The following ASIC2 variants were observed in gnomAD, a reference collection of about 807,000 sequenced individuals.
ASIC2 encodes acid sensing ion channel subunit 2.
ASIC2 carries 25 observed loss-of-function variants against 57.3 expected under a neutral mutation model. The observed-to-expected ratio is 0.44, with a 90% CI of 0.32 to 0.61. The LOEUF is 0.61. Among genes scored for constraint, ASIC2 ranks in the 20% least tolerant of loss-of-function variants. The pLI, the probability that ASIC2 is intolerant of heterozygous loss-of-function variation, is 0.06. For missense variants in ASIC2, 641 were observed against 738.1 expected (o/e 0.87, Z 1.52); for synonymous variants, 319 against 307.5 (o/e 1.04, Z -0.39).
At chr17:33,654,411 T>C (rs1336928789) in intron 1 of ASIC2, among the ~76,000 whole-genome samples, 1 of 152,202 alleles carries the variant, frequency 6.6e-6, no homozygotes, top group Admixed American at 6.5e-5. Context: ...CCTTTGTAGC[T>C]CTGTGCTTGG....
At chr17:33,646,030 A>G (rs1223723974) in intron 1 of ASIC2, among the ~76,000 whole-genome samples, 1 of 152,168 alleles carries the variant, frequency 6.6e-6, no homozygotes, top group Non-Finnish European at 1.5e-5. Flanking sequence ...GCTGGGATCC[A>G]AATGCACAAC....
chr17:33,843,258 G>A (rs1040468659), intron 1 of ASIC2, among the ~76,000 whole-genome samples: 2 of 152,170 alleles, frequency 1.3e-5, no homozygotes, highest in Admixed American at 6.5e-5. Context: ...CCTGGCATAT[G>A]GTAGGTGGTC....
At chr17:33,245,790 A>G (rs1908668236) in intron 1 of ASIC2, among the ~76,000 whole-genome samples, 1 of 152,196 alleles carries the variant, frequency 6.6e-6, no homozygotes, top group Non-Finnish European at 1.5e-5. Flanking sequence ...AGAGTGAGAG[A>G]TGAGGCCATA....
At position 33,291,434 on chromosome 17, in the gene ASIC2, G is replaced by A. The variant is rs1905440231; in HGVS notation, c.682C>T (p.Leu228Phe). Residue 228 changes from leucine to phenylalanine, a missense_variant, in exon 1 of 10, where the codon CTC (leucine) becomes TTC (phenylalanine). Leu to Phe is a conservative substitution (Grantham distance 22). Around this residue, in one of 3 missense-constraint regions of ASIC2, gnomAD observed 382 missense variants for 398.0 expected, o/e 0.96. Transcript: ENST00000225823. ...MLLSCKYRGE[L>F]CGPHNFSSVF... ...GAGGAGAAGTTGTGCGGCCCGCAGA[G>A]CTCGCCGCGGTACTTGCAGGAGAGC... 7 of 1,605,030 alleles carry A rather than the reference G, an allele frequency of 4.4e-6. No individual in the cohort carries two copies. Among genetic ancestry groups the A allele is most frequent in the Admixed American group, 3.4e-5 (2 of 59,602 alleles).
At chr17:33,736,891 C>T (rs1180417460) in intron 1 of ASIC2, among the ~76,000 whole-genome samples, 1 of 152,214 alleles carries the variant, frequency 6.6e-6, no homozygotes, top group Non-Finnish European at 1.5e-5. Context: ...TGTTTTTGGC[C>T]AATTGCATAT....
chr17:33,645,706 T>C (rs1906718715), intron 1 of ASIC2, among the ~76,000 whole-genome samples: 1 of 152,160 alleles, frequency 6.6e-6, no homozygotes. Flanking sequence ...TGTTGAGTTC[T>C]GATAAAGTCA....
At chr17:34,065,941 T>A (rs574465439) in intron 1 of ASIC2, among the ~76,000 whole-genome samples, 215 of 152,214 alleles carry the variant, frequency 1.4e-3, no homozygotes, top group South Asian at 3.1e-3. Context: ...ACTTATTTAA[T>A]CCACCAACAC....
chr17:33,786,112 C>T (rs1260942198), intron 1 of ASIC2, among the ~76,000 whole-genome samples: 1 of 152,156 alleles, frequency 6.6e-6, no homozygotes, highest in Non-Finnish European at 1.5e-5. Flanking sequence ...GCTTTCTCAT[C>T]TGTGCCCCCC....
chr17:33,040,726 AG>A (rs771841764), intron 3 of ASIC2, among the ~76,000 whole-genome samples: 8 of 152,340 alleles, frequency 5.3e-5, no homozygotes, highest in African/African-American at 2.4e-5. Context: ...GGAGGCAAAA[AG>A]TCTCCTTTGC....
chr17:33,789,237 A>T (rs962563509), intron 1 of ASIC2, among the ~76,000 whole-genome samples: 2 of 152,126 alleles, frequency 1.3e-5, no homozygotes, highest in Admixed American at 6.6e-5. Flanking sequence ...ACCCAATCTC[A>T]GGTATTTCTT....
intron 1 of ASIC2, among the ~76,000 whole-genome samples, chr17:34,030,571 G>T (rs1415590836): frequency 6.6e-6 from 1 of 152,208 alleles, no homozygotes; most frequent in African/African-American, 2.4e-5. Context: ...GCCTCACCTG[G>T]GAAGCTCAAG....
chr17:33,275,613 G>C (rs1265341166), intron 1 of ASIC2, among the ~76,000 whole-genome samples: 1 of 152,166 alleles, frequency 6.6e-6, no homozygotes, highest in Non-Finnish European at 1.5e-5. Context: ...CTGGGATTTG[G>C]AACTCTTTTG....
intron 1 of ASIC2, among the ~76,000 whole-genome samples, chr17:33,678,512 A>G (rs1907898363): frequency 6.6e-6 from 1 of 151,288 alleles, no homozygotes; most frequent in Non-Finnish European, 1.5e-5. Flanking sequence ...AAGGAGGAAG[A>G]GAGGAATTGG....
chr17:34,042,378 G>A (rs184584031), intron 1 of ASIC2, among the ~76,000 whole-genome samples: 194 of 152,030 alleles, frequency 1.3e-3, no homozygotes, highest in Non-Finnish European at 2.2e-3. Context: ...CAATAAAAAA[G>A]AACAAATAAT....
At chr17:34,070,749 C>T (rs1335094155) in intron 1 of ASIC2, 2 of 152,262 alleles carry the variant, frequency 1.3e-5, no homozygotes, top group Non-Finnish European at 2.9e-5. Flanking sequence ...ACAAACAGGC[C>T]ACAAGCCAAG....
At chr17:33,487,426 T>A (rs4794954) in intron 1 of ASIC2, among the ~76,000 whole-genome samples, 34,188 of 152,116 alleles carry the variant, frequency 0.22, 4,721 homozygotes, top group Non-Finnish European at 0.31. Context: ...AGTCAGAGGA[T>A]CTGACTTTCA....
chr17:33,998,336 T>C (rs1906228003), intron 1 of ASIC2, among the ~76,000 whole-genome samples: 1 of 152,184 alleles, frequency 6.6e-6, no homozygotes, highest in Non-Finnish European at 1.5e-5. Context: ...CTCAGTTTCA[T>C]TGATATTTTT....
intron 1 of ASIC2, among the ~76,000 whole-genome samples, chr17:33,824,508 T>C (rs1441371154): frequency 2.0e-5 from 3 of 152,188 alleles, no homozygotes; most frequent in African/African-American, 7.2e-5. Flanking sequence ...TGATGAGCTA[T>C]TGAATCAGAT....
intron 1 of ASIC2, among the ~76,000 whole-genome samples, chr17:33,911,039 C>A (rs1322072672): frequency 2.6e-5 from 4 of 152,152 alleles, no homozygotes; most frequent in African/African-American, 9.7e-5. Context: ...CCAGTAAAAC[C>A]ACAGAGGCCC....
Sources: allele counts gnomAD v4.1 joint callset (sites outside exome capture counted in the v4.1 genomes callset), GRCh38; gene constraint gnomAD v4.1.1; regional missense constraint gnomAD v4.1.1; transcripts MANE v1.5; gene names NCBI Gene and HGNC (gene_info 2026-07-23, HGNC 2026-07-21).